SGCB: variants seen among roughly 807,000 people sequenced by gnomAD.
The protein encoded by SGCB is sarcoglycan beta, also known as beta-sarcoglycan.
Under a neutral mutation model 27.3 loss-of-function variants are expected in SGCB, and 25 were observed. The ratio of observed to expected loss-of-function variants is 0.92; its 90% CI spans 0.67 to 1.28. The LOEUF (loss-of-function observed/expected upper bound fraction) is 1.28, where lower values mean the gene tolerates loss of function less well. Among genes scored for constraint, SGCB ranks in the 50% most tolerant of loss-of-function variants. The probability of loss-of-function intolerance (pLI) is 0.00; values close to 1 mark genes in which losing one functional copy is unlikely to be tolerated. For missense variants in SGCB, 436 were observed against 402.1 expected (o/e 1.08, Z -0.72); for synonymous variants, 147 against 133.5 (o/e 1.10, Z -0.70).
rs1194144409 is a variant in SGCB at position 52,021,028 on chromosome 4, AG to A, written c.*2928del. ...TTGTTTTTTTCACAATGCAAAAAGA[AG>A]ACAAATAAGTATATTTTAAAATATT... On this transcript the variant is annotated 3_prime_UTR_variant, in exon 6 of 6. Coordinates refer to ENST00000381431, the MANE Select transcript of SGCB (RefSeq NM_000232.5). 2.0e-5 allele frequency: 3 copies of A among 152,238 alleles called. No individual in the cohort carries two copies. Among genetic ancestry groups the A allele is most frequent in the Non-Finnish European group, 4.4e-5 (3 of 68,040 alleles). 9.4% of individuals were successfully genotyped at this position (152,238 alleles called of 1,614,324 possible).
At chr4:52,036,600 GA>G (rs1240952839) in intron 1 of SGCB, among the ~76,000 whole-genome samples, 1 of 152,198 alleles carries the variant, frequency 6.6e-6, no homozygotes, top group Non-Finnish European at 1.5e-5. Context: ...ATGAGGTACT[GA>G]CTGAGGTTTG....
In SGCB at chr4:52,028,761, C is replaced by G. The variant is rs760797486; in HGVS notation, c.590G>C (p.Ser197Thr). Residue 197 changes from serine to threonine, a missense_variant, in exon 4 of 6, where the codon AGT becomes ACT. By Grantham distance (58) the Ser-to-Thr change is moderately conservative. Transcript: ENST00000381431. ...AGTAGATGCCTTTTGAACATTCAAA[C>G]TTTTCACTCCACTTGGCAAATGAAA... ...HEFHLPSGVK[S>T]LNVQKASTER... 6.2e-7 allele frequency: 1 copy of G among 1,613,712 alleles called. No individual in the cohort carries two copies. Among genetic ancestry groups the G allele is most frequent in the Admixed American group, 1.7e-5 (1 of 60,014 alleles).
chr4:52,024,776 A>G (rs1737043761), intron 5 of SGCB, among the ~76,000 whole-genome samples: 1 of 140,344 alleles, frequency 7.1e-6, no homozygotes, highest in Admixed American at 8.0e-5. Context: ...TGCAGTGAGC[A>G]GAGATCACAC....
intron 3 of SGCB, among the ~76,000 whole-genome samples, chr4:52,029,289 T>G (rs1198854070): frequency 1.3e-5 from 2 of 152,214 alleles, no homozygotes; most frequent in African/African-American, 4.8e-5. Flanking sequence ...TGGCATATTC[T>G]CTTCAAGAGC....
In SGCB at chr4:52,021,066, G is replaced by T. The variant is rs973792584; in HGVS notation, c.*2891C>A. 1 of 152,042 alleles carries T rather than the reference G, an allele frequency of 6.6e-6. No homozygotes were observed. The highest frequency in any genetic ancestry group is 1.5e-5 in the Non-Finnish European group (1 of 68,006). 9.4% of individuals were successfully genotyped at this position (152,042 alleles called of 1,614,324 possible). On this transcript the variant is annotated 3_prime_UTR_variant, in exon 6 of 6. Transcript: ENST00000381431. ...TATTTTAAAATATTATCAGCAGTCC[G>T]TTTTGTGTGGTTTTACATTTTTCTG... is the stretch of plus-strand genomic sequence containing the variant.
rs182143961 is a variant in SGCB, at chr4:52,036,546, C to G, written c.33+1681G>C. Among the ~76,000 whole-genome samples the G allele has an allele frequency of 3.1e-3, 475 of 152,214 alleles. 1 individual carries two copies. The highest frequency in any genetic ancestry group is 6.8e-3 in the Middle Eastern group (2 of 294). On this transcript the variant is annotated intron_variant, in intron 1 of 5. Transcript: ENST00000381431. ...AAAGAGATGAACTGGAACTGAAGAG[C>G]CTAGAAGTGAAGATATCAACAGCAG...
At chr4:52,031,381 CCCATT>C (rs1402545163) in intron 2 of SGCB, among the ~76,000 whole-genome samples, 1 of 149,706 alleles carries the variant, frequency 6.7e-6, no homozygotes, top group East Asian at 2.0e-4. Flanking sequence ...TACCCACCCA[CCCATT>C]CATCTCTGTG....
At position 52,033,516 on chromosome 4, in the gene SGCB, T is replaced by G; in HGVS notation, c.158A>C (p.His53Pro). The change falls in exon 2 of 6, where the codon CAC (histidine) becomes CCC (proline). Residue 53 changes from histidine to proline, a missense_variant. Physicochemically the swap from His to Pro is moderately conservative, Grantham distance 77 (BLOSUM62 -2). Transcript: ENST00000381431. The stretch of plus-strand genomic sequence containing the variant: ...CTTTCTTCCTCTCAACCCTGTTTTG[T>G]GGAGACGATCTTCATCAATCGGAAT... The part of the protein sequence containing the change: ...GYIPIDEDRL[H>P]KTGLRGRKGN... The G allele has an allele frequency of 1.2e-6, 2 of 1,613,938 alleles. No homozygotes were observed. Among genetic ancestry groups the G allele is most frequent in the Non-Finnish European group, 1.7e-6 (2 of 1,179,842 alleles).
intron 5 of SGCB, among the ~76,000 whole-genome samples, chr4:52,024,715 C>A (rs1737041981): frequency 6.7e-6 from 1 of 150,174 alleles, no homozygotes; most frequent in Admixed American, 6.7e-5. Flanking sequence ...GTAGTCCCAG[C>A]TACTTGGGAG....
Position 52,023,686 on chromosome 4 carries a change from A to T in SGCB, c.*271T>A. On this transcript the variant is annotated 3_prime_UTR_variant, in exon 6 of 6. Transcript: ENST00000381431. ...TTAGAAAAGGGATAGTGGAATTTTA[A>T]AAACACGTCTTTAAACATGACTTTT... is the stretch of plus-strand genomic sequence containing the variant. 1 of 401,096 alleles carries T rather than the reference A, an allele frequency of 2.5e-6. No homozygotes were observed. Among genetic ancestry groups the T allele is most frequent in the Non-Finnish European group, 4.6e-6 (1 of 217,590 alleles). 24.8% of individuals were successfully genotyped at this position (401,096 alleles called of 1,614,324 possible). A position where few individuals can be genotyped will look rare whatever the true frequency, so the allele number is the denominator to read the frequency against.
intron 5 of SGCB, among the ~76,000 whole-genome samples, chr4:52,026,250 GTTTTTTT>G (rs71193050): frequency 9.8e-6 from 1 of 101,646 alleles, no homozygotes; most frequent in Non-Finnish European, 2.1e-5. Flanking sequence ...TTTGTTGTTG[GTTTTTTT>G]TTTTTTTTTT....
chr4:52,038,239 C>T lies in SGCB; in HGVS notation c.21G>A (p.Ala7=), dbSNP rs1371231163. MAAAAA[A]AAEQQSSNGP... ...GGTACTCACAGACCTGTTCTGCAGC[C>T]GCCGCCGCCGCTGCCGCCATCTTCC... The change falls in exon 1 of 6, where the codon GCG becomes GCA. Residue 7 remains alanine (A), a synonymous_variant. Transcript: ENST00000381431. The T allele has an allele frequency of 1.6e-6, 2 of 1,264,334 alleles. No homozygotes were observed. The highest frequency in any genetic ancestry group is 3.4e-5 in the East Asian group (1 of 29,152). The allele number at this position is 1,264,334 out of a possible 1,614,324, so 78.3% of individuals were successfully genotyped here.
At chr4:52,034,238 AG>A (rs55712163) in intron 1 of SGCB, among the ~76,000 whole-genome samples, 1,808 of 69,240 alleles carry the variant, frequency 0.026, 201 homozygotes, top group Admixed American at 0.043. Flanking sequence ...AGGCTGAGGC[AG>A]GAGAATGGCG....
rs1222765611 is a variant in SGCB, at chr4:52,022,658, ACTTACTAGGC to A, written c.*1289_*1298del. 1 of 152,210 alleles carries A rather than the reference ACTTACTAGGC, an allele frequency of 6.6e-6. No homozygotes were observed. Among genetic ancestry groups the A allele is most frequent in the Non-Finnish European group, 1.5e-5 (1 of 68,038 alleles). The allele number at this position is 152,210 out of a possible 1,614,324, so 9.4% of individuals were successfully genotyped here. A position where few individuals can be genotyped will look rare whatever the true frequency, so the allele number is the denominator to read the frequency against. On this transcript the variant is annotated 3_prime_UTR_variant, in exon 6 of 6. Transcript: ENST00000381431. The stretch of plus-strand genomic sequence containing the variant: ...TGGACTTATTTTCGAGGCATGGTGT[ACTTACTAGGC>A]CATGCCTGGCCCAAAGAACTTGTTT...
At chr4:52,030,290 TTTA>T (rs1737214631) in intron 2 of SGCB, among the ~76,000 whole-genome samples, 3 of 152,282 alleles carry the variant, frequency 2.0e-5, no homozygotes, top group South Asian at 2.1e-4. Context: ...TAATTTAGGT[TTTA>T]TTATTAATTT....
rs1020596038 is a variant in SGCB at position 52,022,102 on chromosome 4, T to C, written c.*1855A>G. On this transcript the variant is annotated 3_prime_UTR_variant, in exon 6 of 6. Transcript: ENST00000381431. ...GGCATTTTTTTCTGAATTCAGACATTAAATGATACTGAATATATTCAAATG... is the reference window on the plus strand; with the variant it reads ...GGCATTTTTTTCTGAATTCAGACATCAAATGATACTGAATATATTCAAATG... 6 of 152,200 alleles carry C rather than the reference T, an allele frequency of 3.9e-5. No homozygotes were observed. Among genetic ancestry groups the C allele is most frequent in the African/African-American group, 1.4e-4 (6 of 41,466 alleles). 9.4% of individuals were successfully genotyped at this position (152,200 alleles called of 1,614,324 possible).
At chr4:52,026,470 G>T (rs978665228) in intron 5 of SGCB, among the ~76,000 whole-genome samples, 2 of 151,916 alleles carry the variant, frequency 1.3e-5, no homozygotes, top group Non-Finnish European at 2.9e-5. Context: ...TGTTGGCCAG[G>T]CTGGTCTCGA....
chr4:52,028,419 C>T (rs1470377977), intron 4 of SGCB, among the ~76,000 whole-genome samples: 1 of 152,126 alleles, frequency 6.6e-6, no homozygotes, highest in Non-Finnish European at 1.5e-5. Flanking sequence ...GGGCGGATCA[C>T]GAGGTCAGGA....
chr4:52,031,085 T>C (rs1737231522), intron 2 of SGCB, among the ~76,000 whole-genome samples: 1 of 152,206 alleles, frequency 6.6e-6, no homozygotes, highest in African/African-American at 2.4e-5. Context: ...TAGGATCTTT[T>C]ATTACTGGTT....
Sources: gnomAD v4.1 joint callset for allele counts (sites outside exome capture counted in the v4.1 genomes callset) on GRCh38, gnomAD v4.1.1 for gene constraint, MANE v1.5 for transcripts, NCBI Gene and HGNC (gene_info 2026-07-23, HGNC 2026-07-21) for gene names.